Variants in UBL3 observed in about 807,000 individuals in gnomAD.
The protein encoded by UBL3 is ubiquitin-like protein 3.
A neutral mutation model predicts 18.4 loss-of-function variants in UBL3; 6 were observed. That is an observed-to-expected ratio of 0.33 (90% CI 0.18 to 0.64). The LOEUF is 0.64. Ranked by LOEUF, UBL3 falls within the 30% of genes least tolerant of loss-of-function variation. The pLI is 0.76. For missense variants in UBL3, 109 were observed against 142.9 expected, an observed-to-expected ratio of 0.76 and a Z score of 1.21; for synonymous variants, 49 against 46.6, an observed-to-expected ratio of 1.05 and a Z score of -0.21.
chr13:29,794,306 T>G (rs2139326914), intron 1 of UBL3, among the ~76,000 whole-genome samples: 1 of 152,216 alleles, frequency 6.6e-6, no homozygotes, highest in Non-Finnish European at 1.5e-5. Context: ...CTCACTTTTC[T>G]TCAATAGCAA....
intron 1 of UBL3, among the ~76,000 whole-genome samples, chr13:29,839,065 G>A (rs1423851458): frequency 6.6e-6 from 1 of 152,154 alleles, no homozygotes; most frequent in African/African-American, 2.4e-5. Flanking sequence ...CACAATTTGA[G>A]AGAACTAAAA....
At chr13:29,774,739 T>A (rs1404121265) in intron 2 of UBL3, among the ~76,000 whole-genome samples, 1 of 152,092 alleles carries the variant, frequency 6.6e-6, no homozygotes, top group Non-Finnish European at 1.5e-5. Flanking sequence ...CTAAAAGTCC[T>A]CTTCAAGAAG....
At chr13:29,782,750 A>G (rs778524598) in intron 1 of UBL3, among the ~76,000 whole-genome samples, 2 of 152,160 alleles carry the variant, frequency 1.3e-5, no homozygotes, top group African/African-American at 2.4e-5. Flanking sequence ...CTGGGTGGGG[A>G]AGGGGGAGAA....
At chr13:29,781,563 T>G (rs1877174233) in intron 1 of UBL3, among the ~76,000 whole-genome samples, 1 of 152,048 alleles carries the variant, frequency 6.6e-6, no homozygotes, top group Admixed American at 6.6e-5. Context: ...AGCATATCAA[T>G]TGTAATAAAT....
chr13:29,835,589 T>G (rs1296332940), intron 1 of UBL3, among the ~76,000 whole-genome samples: 1 of 151,404 alleles, frequency 6.6e-6, no homozygotes, highest in African/African-American at 2.4e-5. Flanking sequence ...TCCCCATCTC[T>G]ACTAAAAACA....
intron 1 of UBL3, among the ~76,000 whole-genome samples, chr13:29,792,266 A>G (rs1229088237): frequency 6.6e-6 from 1 of 152,238 alleles, no homozygotes; most frequent in African/African-American, 2.4e-5. Context: ...AATAATTACC[A>G]AGAAAAAATG....
intron 1 of UBL3, among the ~76,000 whole-genome samples, chr13:29,842,134 CT>C (rs201006689): frequency 6.2e-5 from 8 of 128,064 alleles, no homozygotes; most frequent in African/African-American, 2.4e-4. Context: ...CATTCTCTTT[CT>C]TTTTTTTTTT....
intron 2 of UBL3, among the ~76,000 whole-genome samples, chr13:29,776,243 CTTTTT>C (rs1486565685): frequency 5.9e-4 from 75 of 127,018 alleles, no homozygotes; most frequent in Middle Eastern, 4.1e-3. Context: ...GTTTTTTTTT[CTTTTT>C]TTTCTTTTCT....
intron 2 of UBL3, among the ~76,000 whole-genome samples, chr13:29,772,586 AT>A (rs1331219425): frequency 6.6e-6 from 1 of 152,126 alleles, no homozygotes; most frequent in Non-Finnish European, 1.5e-5. Flanking sequence ...ACCTGTTAAA[AT>A]GTACATTTAA....
intron 3 of UBL3, among the ~76,000 whole-genome samples, chr13:29,771,782 TTG>T (rs1321663997): frequency 6.6e-6 from 1 of 151,966 alleles, no homozygotes; most frequent in Non-Finnish European, 1.5e-5. Flanking sequence ...TTTTCCTAGT[TTG>T]TGTGTCCAGT....
chr13:29,819,306 G>A (rs960901670), intron 1 of UBL3, among the ~76,000 whole-genome samples: 2 of 152,286 alleles, frequency 1.3e-5, no homozygotes, highest in East Asian at 1.9e-4. Context: ...ACTATGAAGC[G>A]TAAAACGAAA....
At chr13:29,829,249 T>C (rs1878705426) in intron 1 of UBL3, among the ~76,000 whole-genome samples, 1 of 152,222 alleles carries the variant, frequency 6.6e-6, no homozygotes, top group East Asian at 1.9e-4. Context: ...TGCAGAGGTT[T>C]CTGCTGCCTT....
chr13:29,831,354 C>T (rs1241425374), intron 1 of UBL3, among the ~76,000 whole-genome samples: 4 of 152,060 alleles, frequency 2.6e-5, no homozygotes, highest in Admixed American at 2.0e-4. Context: ...CTTTGGGAGG[C>T]CGAGGTGGGT....
At chr13:29,823,584 C>T (rs998493470) in intron 1 of UBL3, among the ~76,000 whole-genome samples, 2 of 152,158 alleles carry the variant, frequency 1.3e-5, no homozygotes, top group African/African-American at 4.8e-5. Flanking sequence ...GAATAAATGT[C>T]ATTAATTTTA....
chr13:29,769,341 AT>A (rs1468017380), intron 3 of UBL3, among the ~76,000 whole-genome samples: 1 of 152,118 alleles, frequency 6.6e-6, no homozygotes, highest in Non-Finnish European at 1.5e-5. Context: ...TTAACTAGAA[AT>A]AGTAGGTATT....
At chr13:29,811,646 G>C (rs578042974) in intron 1 of UBL3, among the ~76,000 whole-genome samples, 53 of 152,060 alleles carry the variant, frequency 3.5e-4, no homozygotes, top group Non-Finnish European at 7.2e-4. Flanking sequence ...AGAGCACACA[G>C]CTATCTTGAA....
At chr13:29,785,281 C>T (rs1033788440) in intron 1 of UBL3, among the ~76,000 whole-genome samples, 1 of 152,132 alleles carries the variant, frequency 6.6e-6, no homozygotes, top group Non-Finnish European at 1.5e-5. Flanking sequence ...ACTGGGTGAA[C>T]AGTGTTGGGG....
intron 1 of UBL3, among the ~76,000 whole-genome samples, chr13:29,833,503 T>A (rs1415962158): frequency 1.3e-5 from 2 of 152,090 alleles, no homozygotes; most frequent in East Asian, 3.9e-4. Flanking sequence ...GAAGACACAC[T>A]GTGAGATTTA....
At chr13:29,773,852 T>G (rs1354999699) in intron 2 of UBL3, among the ~76,000 whole-genome samples, 2 of 152,192 alleles carry the variant, frequency 1.3e-5, no homozygotes, top group South Asian at 4.1e-4. Context: ...TTCCACTAAA[T>G]AGCAGAAGGG....
Sources: gnomAD v4.1 joint callset for allele counts (sites outside exome capture counted in the v4.1 genomes callset) on GRCh38, gnomAD v4.1.1 for gene constraint, MANE v1.5 for transcripts, NCBI Gene and HGNC (gene_info 2026-07-23, HGNC 2026-07-21) for gene names.